AFAP1L2: variants seen among roughly 807,000 people sequenced by gnomAD.
The protein encoded by AFAP1L2 is actin filament-associated protein 1-like 2.
In AFAP1L2, 46 loss-of-function variants were observed where a neutral mutation model predicts 99.3. That is an observed-to-expected ratio of 0.46 (90% CI 0.37 to 0.59). The LOEUF is 0.59. AFAP1L2 is among the 20% of genes least tolerant of loss of function. AFAP1L2 has a pLI of 0.00. For missense variants in AFAP1L2, 959 were observed against 1,034.9 expected, an observed-to-expected ratio of 0.93 and a Z score of 1.01; for synonymous variants, 397 against 419.1, an observed-to-expected ratio of 0.95 and a Z score of 0.64.
Position 114,341,606 on chromosome 10 carries a change from C to T in AFAP1L2, c.17-875G>A, listed in dbSNP as rs868737255. Among the ~76,000 whole-genome samples the T allele has an allele frequency of 1.0e-3, 100 of 97,942 alleles. 1 individual carries two copies. The highest frequency in any genetic ancestry group is 1.2e-3 in the Non-Finnish European group (46 of 39,894). The allele number at this position is 97,942 out of a possible 152,430, so 64.3% of individuals were successfully genotyped here. A position where few individuals can be genotyped will look rare whatever the true frequency, so the allele number is the denominator to read the frequency against. On this transcript the variant is annotated intron_variant, in intron 1 of 18. Coordinates refer to ENST00000304129, the MANE Select transcript of AFAP1L2 (RefSeq NM_001001936.3). Reference sequence around the variant, plus strand: ...CCAGCCTGGTGACAGAGCAAGACTCCATCTCAAAAAAAAAAAAGAAAAGAA... The same window carrying T: ...CCAGCCTGGTGACAGAGCAAGACTCTATCTCAAAAAAAAAAAAGAAAAGAA...
intron 2 of AFAP1L2, among the ~76,000 whole-genome samples, chr10:114,335,916 A>T (rs2135740424): frequency 6.6e-6 from 1 of 152,244 alleles, no homozygotes. Context: ...GCTGATAAGG[A>T]TCAGAAAAGG....
intron 1 of AFAP1L2, among the ~76,000 whole-genome samples, chr10:114,344,818 T>C (rs1304309805): frequency 6.6e-6 from 1 of 152,186 alleles, no homozygotes; most frequent in Non-Finnish European, 1.5e-5. Flanking sequence ...AAGGGATGGC[T>C]GGGCACAGTG....
intron 12 of AFAP1L2, chr10:114,301,978 C>A (rs1326066333): frequency 1.1e-5 from 3 of 278,234 alleles, no homozygotes; most frequent in South Asian, 4.7e-5. Context: ...GAAGCACCAC[C>A]CCCTGACCTG....
the AFAP1L2 span, chr10:114,289,329 G>A: frequency 6.2e-7 from 1 of 1,614,254 alleles, no homozygotes; most frequent in Non-Finnish European, 8.5e-7. Context: ...CTGCCCAGAA[G>A]CTGAGGAACA....
the AFAP1L2 span, among the ~76,000 whole-genome samples, chr10:114,288,172 C>T: frequency 2.7e-3 from 416 of 152,352 alleles, 3 homozygotes; most frequent in African/African-American, 9.3e-3. Context: ...GGCCTTCTGG[C>T]TCATACTTAC....
chr10:114,368,391 A>G (rs2053590858), intron 1 of AFAP1L2, among the ~76,000 whole-genome samples: 1 of 152,114 alleles, frequency 6.6e-6, no homozygotes, highest in African/African-American at 2.4e-5. Context: ...ATAGTTAATA[A>G]TAACAGCGTA....
downstream of AFAP1L2, among the ~76,000 whole-genome samples, chr10:114,291,916 A>G (rs1263158883): frequency 6.6e-6 from 1 of 152,152 alleles, no homozygotes; most frequent in African/African-American, 2.4e-5. Flanking sequence ...CAATGGGCCC[A>G]GGTCTGGAGG....
intron 13 of AFAP1L2, 53 bp from the exon 14 acceptor site, chr10:114,300,743 T>G: frequency 6.5e-7 from 1 of 1,531,952 alleles, no homozygotes; most frequent in Non-Finnish European, 8.8e-7. Context: ...CTCCCTCAGC[T>G]GTGGAGGGGG....
intron 4 of AFAP1L2, among the ~76,000 whole-genome samples, chr10:114,328,113 G>A (rs1434004663): frequency 3.3e-5 from 5 of 152,218 alleles, no homozygotes; most frequent in African/African-American, 1.2e-4. Flanking sequence ...ACGGCACCTG[G>A]CTGTGCAGAC....
chr10:114,386,575 T>C (rs940495174), intron 1 of AFAP1L2, among the ~76,000 whole-genome samples: 1 of 152,108 alleles, frequency 6.6e-6, no homozygotes, highest in African/African-American at 2.4e-5. Flanking sequence ...GCAGAGATGG[T>C]GCTAGAAGTT....
intron 5 of AFAP1L2, among the ~76,000 whole-genome samples, chr10:114,316,578 C>T (rs1431256593): frequency 6.6e-6 from 1 of 152,146 alleles, no homozygotes; most frequent in Non-Finnish European, 1.5e-5. Context: ...CTCATCAGAG[C>T]ACAAATCATG....
chr10:114,302,337 A>G lies in AFAP1L2; in HGVS notation c.1430+2T>C. 1 of 1,614,102 alleles carries G rather than the reference A, an allele frequency of 6.2e-7. No homozygotes were observed. Among genetic ancestry groups the G allele is most frequent in the Non-Finnish European group, 8.5e-7 (1 of 1,180,014 alleles). ...TACGGAGGAAGGGTCCAAATTACTC[A>G]CAAGAGAGAGTTTTTGGCCGCACTC... On this transcript the variant is annotated splice_donor_variant, in intron 12 of 18. Transcript: ENST00000304129. LOFTEE classifies it high-confidence loss of function.
intron 1 of AFAP1L2, chr10:114,398,837 A>G: frequency 7.7e-7 from 1 of 1,304,304 alleles, no homozygotes; most frequent in Non-Finnish European, 1.0e-6. Context: ...GGGCACAGAC[A>G]GGCTCATACT....
chr10:114,329,682 T>C lies in AFAP1L2; in HGVS notation c.315+2121A>G, dbSNP rs575257979. On this transcript the variant is annotated intron_variant, in intron 4 of 18. Coordinates refer to ENST00000304129, the MANE Select transcript of AFAP1L2 (RefSeq NM_001001936.3). ...AATGGATGGGACAGCAGAGGGGCTG[T>C]GCTCTTCCCCCAGGTATCAGGGCTG... Among the ~76,000 whole-genome samples, 790 of 152,284 alleles carry C rather than the reference T, an allele frequency of 5.2e-3. 10 individuals carry two copies. Among genetic ancestry groups the C allele is most frequent in the African/African-American group, 0.018 (758 of 41,546 alleles).
chr10:114,306,021 G>A (rs151145908), intron 10 of AFAP1L2, among the ~76,000 whole-genome samples: 11 of 110,226 alleles, frequency 1.0e-4, no homozygotes, highest in East Asian at 7.0e-4. Context: ...AGGAGGGGAC[G>A]CAGATGCAGG....
chr10:114,356,801 A>C (rs1262958667), intron 1 of AFAP1L2, among the ~76,000 whole-genome samples: 1 of 152,222 alleles, frequency 6.6e-6, no homozygotes, highest in Non-Finnish European at 1.5e-5. Flanking sequence ...GTTATTCTTG[A>C]ATGAGAATTC....
intron 1 of AFAP1L2, among the ~76,000 whole-genome samples, chr10:114,348,371 G>T (rs1397509372): frequency 6.6e-6 from 1 of 152,114 alleles, no homozygotes; most frequent in African/African-American, 2.4e-5. Context: ...CCTTTTATAG[G>T]CAGCCCTCTC....
chr10:114,397,321 A>G (rs1245258383), intron 1 of AFAP1L2, among the ~76,000 whole-genome samples: 2 of 152,162 alleles, frequency 1.3e-5, no homozygotes, highest in Non-Finnish European at 2.9e-5. Flanking sequence ...CCTTTTCCAG[A>G]AAGTCATATA....
rs1245520895 is a variant in AFAP1L2, at chr10:114,302,360, C to T, written c.1409G>A (p.Ser470Asn). ...TCACAAGAGAGAGTTTTTGGCCGCA[C>T]TCACAATACAGGAGACCCTATCGGC... ...VDADRVSCIV[S>N]AAKNSLLLMQ... The change falls in exon 12 of 19, where the codon AGT becomes AAT. Residue 470 changes from serine (S) to asparagine (N), a missense_variant. This residue lies in a region of AFAP1L2 where 576 missense variants were observed against 562.1 expected (regional missense o/e 1.02). Coordinates refer to ENST00000304129, the MANE Select transcript of AFAP1L2 (RefSeq NM_001001936.3). The T allele has an allele frequency of 3.7e-6, 6 of 1,614,016 alleles. No individual in the cohort carries two copies. The highest frequency in any genetic ancestry group is 5.1e-6 in the Non-Finnish European group (6 of 1,180,028).
Sources: allele counts gnomAD v4.1 joint callset (sites outside exome capture counted in the v4.1 genomes callset), GRCh38; gene constraint gnomAD v4.1.1; regional missense constraint gnomAD v4.1.1; transcripts MANE v1.5; gene names NCBI Gene and HGNC (gene_info 2026-07-23, HGNC 2026-07-21).